TNKS: variants seen among roughly 807,000 people sequenced by gnomAD.
TNKS encodes poly [ADP-ribose] polymerase tankyrase-1.
In TNKS, 72 loss-of-function variants were observed where a neutral mutation model predicts 135.8. That is an observed-to-expected ratio of 0.53 (90% CI 0.44 to 0.64). The LOEUF (loss-of-function observed/expected upper bound fraction) is 0.64, where lower values mean the gene tolerates loss of function less well. Ranked by LOEUF, TNKS falls within the 30% of genes least tolerant of loss-of-function variation. The probability of loss-of-function intolerance (pLI) is 0.00; values close to 1 mark genes in which losing one functional copy is unlikely to be tolerated. For synonymous variants in TNKS, 849 were observed against 649.3 expected (o/e 1.31, Z -4.68); for missense variants, 1,769 against 1,674.0 (o/e 1.06, Z -0.99).
chr8:9,586,386 AATTG>A (rs1798379762), intron 2 of TNKS, among the ~76,000 whole-genome samples: 1 of 152,166 alleles, frequency 6.6e-6, no homozygotes, highest in South Asian at 2.1e-4. Context: ...TCAGAACTTC[AATTG>A]ATTATTTAAT....
chr8:9,762,059 G>A (rs888086246), intron 21 of TNKS, among the ~76,000 whole-genome samples: 1 of 152,160 alleles, frequency 6.6e-6, no homozygotes, highest in Non-Finnish European at 1.5e-5. Flanking sequence ...TTAAACCCCT[G>A]TAATAGAATC....
chr8:9,702,974 C>T (rs764143191), intron 5 of TNKS, among the ~76,000 whole-genome samples: 3 of 152,130 alleles, frequency 2.0e-5, no homozygotes, highest in Non-Finnish European at 4.4e-5. Flanking sequence ...CGAGATCAAG[C>T]GACTGCACTC....
chr8:9,692,042 G>C (rs905737563), intron 5 of TNKS, among the ~76,000 whole-genome samples: 5 of 152,040 alleles, frequency 3.3e-5, no homozygotes, highest in Admixed American at 3.3e-4. Flanking sequence ...CCCTTCCTCT[G>C]ATTCTTGTTG....
At chr8:9,676,771 A>G (rs879789443) in intron 3 of TNKS, among the ~76,000 whole-genome samples, 4 of 151,776 alleles carry the variant, frequency 2.6e-5, no homozygotes, top group Non-Finnish European at 4.4e-5. Flanking sequence ...CAGTAAAAAC[A>G]ATTTAGATTT....
chr8:9,619,270 A>T (rs1046811146), intron 3 of TNKS, among the ~76,000 whole-genome samples: 18 of 152,206 alleles, frequency 1.2e-4, no homozygotes, highest in Non-Finnish European at 2.4e-4. Flanking sequence ...AAGGTGGTTG[A>T]CAAAGGGAAT....
chr8:9,751,141 C>G (rs1163080131), intron 18 of TNKS, among the ~76,000 whole-genome samples: 1 of 152,186 alleles, frequency 6.6e-6, no homozygotes, highest in Non-Finnish European at 1.5e-5. Context: ...TGGAGACTAT[C>G]TCCCGCATAC....
intron 3 of TNKS, among the ~76,000 whole-genome samples, chr8:9,662,313 C>G (rs1014260009): frequency 4.6e-5 from 7 of 152,144 alleles, no homozygotes; most frequent in Non-Finnish European, 7.3e-5. Context: ...TATTGCGGCA[C>G]TATTCACAAT....
intron 5 of TNKS, among the ~76,000 whole-genome samples, chr8:9,688,764 T>C (rs1775147140): frequency 1.3e-5 from 2 of 152,108 alleles, no homozygotes; most frequent in African/African-American, 4.8e-5. Flanking sequence ...CTCAGCCTCC[T>C]GAGTAGCTGA....
At chr8:9,608,597 A>G (rs989621422) in intron 2 of TNKS, among the ~76,000 whole-genome samples, 7 of 152,196 alleles carry the variant, frequency 4.6e-5, no homozygotes, top group Non-Finnish European at 8.8e-5. Flanking sequence ...GCACAGGTAC[A>G]GCCCAGCCCA....
At position 9,779,690 on chromosome 8, in the gene TNKS, A is replaced by T. The variant is rs1032146510; in HGVS notation, c.*2954A>T. On this transcript the variant is annotated 3_prime_UTR_variant, in exon 27 of 27. Coordinates refer to ENST00000310430, the MANE Select transcript of TNKS (RefSeq NM_003747.3). Reference sequence around the variant, plus strand: ...CTCATCTTGGGTCTTAAAAAAGGAGACCAGATACCTCCTAGCTTTTGTATC... The same window carrying T: ...CTCATCTTGGGTCTTAAAAAAGGAGTCCAGATACCTCCTAGCTTTTGTATC... 6.6e-6 allele frequency: 1 copy of T among 152,188 alleles called. No individual in the cohort carries two copies. The highest frequency in any genetic ancestry group is 1.5e-5 in the Non-Finnish European group (1 of 68,034). The allele number at this position is 152,188 out of a possible 1,614,324, so 9.4% of individuals were successfully genotyped here. A position where few individuals can be genotyped will look rare whatever the true frequency, so the allele number is the denominator to read the frequency against.
chr8:9,634,480 T>C (rs186105525), intron 3 of TNKS, among the ~76,000 whole-genome samples: 7 of 148,846 alleles, frequency 4.7e-5, no homozygotes, highest in Admixed American at 1.3e-4. Flanking sequence ...CTTATTAAGT[T>C]TGTTGTTCTT....
chr8:9,729,834 C>A (rs1226865829), intron 13 of TNKS, among the ~76,000 whole-genome samples: 1 of 124,218 alleles, frequency 8.1e-6, no homozygotes, highest in Non-Finnish European at 1.6e-5. Context: ...AGTGCAGTAG[C>A]GTGATTTCGG....
At chr8:9,761,388 G>C in intron 20 of TNKS, 128 bp from the exon 21 acceptor site, 1 of 984,862 alleles carries the variant, frequency 1.0e-6, no homozygotes. Context: ...GTAAGCTCAT[G>C]TTTATAAAGG....
At chr8:9,758,254 G>A (rs1806948436) in intron 20 of TNKS, among the ~76,000 whole-genome samples, 1 of 152,130 alleles carries the variant, frequency 6.6e-6, no homozygotes, top group Non-Finnish European at 1.5e-5. Flanking sequence ...TGAATGGTTG[G>A]ATGGAATTGC....
Position 9,781,685 on chromosome 8 carries a change from A to G in TNKS, c.*4949A>G, listed in dbSNP as rs550848094. 6.5e-6 allele frequency: 1 copy of G among 152,784 alleles called. No homozygotes were observed. Among genetic ancestry groups the G allele is most frequent in the South Asian group, 2.1e-4 (1 of 4,832 alleles). 9.5% of individuals were successfully genotyped at this position (152,784 alleles called of 1,614,324 possible). A position where few individuals can be genotyped will look rare whatever the true frequency, so the allele number is the denominator to read the frequency against. ...ATCAAGGTTTCTCAAAACATTTACA[A>G]AACCAGCTTTGAGAAAATGTTATGT... On this transcript the variant is annotated 3_prime_UTR_variant, in exon 27 of 27. Coordinates refer to ENST00000310430, the MANE Select transcript of TNKS (RefSeq NM_003747.3).
intron 3 of TNKS, among the ~76,000 whole-genome samples, chr8:9,637,756 A>G (rs190259712): frequency 9.5e-4 from 145 of 152,366 alleles, no homozygotes; most frequent in African/African-American, 3.2e-3. Flanking sequence ...ACAAAAACAC[A>G]TGAAGTAGAA....
At chr8:9,700,406 C>T (rs981622985) in intron 5 of TNKS, among the ~76,000 whole-genome samples, 1 of 152,144 alleles carries the variant, frequency 6.6e-6, no homozygotes, top group African/African-American at 2.4e-5. Flanking sequence ...GTGTCAGATA[C>T]GTGGTAGAAA....
intron 2 of TNKS, among the ~76,000 whole-genome samples, chr8:9,594,313 C>T (rs960010222): frequency 6.6e-6 from 1 of 152,208 alleles, no homozygotes; most frequent in Non-Finnish European, 1.5e-5. Context: ...TGATAACTCT[C>T]ACACCTTGTT....
In TNKS at chr8:9,720,374, A is replaced by G. The variant is rs201404312; in HGVS notation, c.1750A>G (p.Met584Val). ...MEVLHKHGAK[M>V]NALDTLGQTA... ...ATGTGCCCACGCAATGATTTTTCAG[A>G]TGAATGCACTGGACACCCTTGGTCA... The change falls in exon 12 of 27, where the codon ATG becomes GTG. Residue 584 changes from methionine (M) to valine (V), a missense_variant and splice_region_variant. Coordinates refer to ENST00000310430, the MANE Select transcript of TNKS (RefSeq NM_003747.3). 3.1e-6 allele frequency: 5 copies of G among 1,591,408 alleles called. No individual in the cohort carries two copies. In the African/African-American group the frequency reaches 6.8e-5, roughly 21 times the overall value.
Sources: gnomAD v4.1 joint callset for allele counts (sites outside exome capture counted in the v4.1 genomes callset) on GRCh38, gnomAD v4.1.1 for gene constraint, MANE v1.5 for transcripts, NCBI Gene and HGNC (gene_info 2026-07-23, HGNC 2026-07-21) for gene names.